Variants in RNF182 observed in about 807,000 individuals in gnomAD.
The protein encoded by RNF182 is ring finger protein 182, also known as E3 ubiquitin-protein ligase RNF182.
In RNF182, 15 loss-of-function variants were observed where a neutral mutation model predicts 14.4. The observed-to-expected ratio is 1.04, with a 90% CI of 0.70 to 1.60. The LOEUF is 1.60. Ranked by LOEUF, RNF182 falls within the 40% of genes most tolerant of loss-of-function variation. The pLI is 0.00. For synonymous variants in RNF182, 128 were observed against 122.9 expected (o/e 1.04, Z -0.27); for missense variants, 268 against 294.8 (o/e 0.91, Z 0.67).
chr6:13,974,721 A>G (rs570234059), intron 2 of RNF182, among the ~76,000 whole-genome samples: 18 of 152,348 alleles, frequency 1.2e-4, no homozygotes, highest in African/African-American at 4.1e-4. Context: ...TTACGTATTC[A>G]TAAACACTCA....
At chr6:13,962,367 G>T (rs777075059) in intron 1 of RNF182, among the ~76,000 whole-genome samples, 1 of 152,180 alleles carries the variant, frequency 6.6e-6, no homozygotes, top group African/African-American at 2.4e-5. Context: ...ATAGCTGAGC[G>T]TAAAAACCAA....
At chr6:13,970,113 G>T (rs184975293) in intron 1 of RNF182, among the ~76,000 whole-genome samples, 2 of 152,164 alleles carry the variant, frequency 1.3e-5, no homozygotes, top group Admixed American at 6.5e-5. Flanking sequence ...GGTAATTAGG[G>T]TATTCATCAC....
chr6:13,925,092 C>A (rs1419224691), intron 1 of RNF182, 69 bp downstream of exon 1: 1 of 24,542 alleles, frequency 4.1e-5, no homozygotes, highest in Non-Finnish European at 8.3e-5. Flanking sequence ...GCTGGGGCAG[C>A]AGCCAGCCCC....
At chr6:13,928,258 C>T (rs916372608) in intron 1 of RNF182, among the ~76,000 whole-genome samples, 1 of 152,114 alleles carries the variant, frequency 6.6e-6, no homozygotes, top group South Asian at 2.1e-4. Flanking sequence ...GATTGTTTTC[C>T]TGATGTGCCA....
intron 1 of RNF182, among the ~76,000 whole-genome samples, chr6:13,961,804 A>G (rs1411489049): frequency 1.3e-5 from 2 of 152,094 alleles, no homozygotes; most frequent in Admixed American, 6.5e-5. Context: ...TTAATTGTTG[A>G]GGGAGGCTTT....
At chr6:13,971,801 C>G (rs1421693105) in intron 1 of RNF182, among the ~76,000 whole-genome samples, 1 of 152,150 alleles carries the variant, frequency 6.6e-6, no homozygotes, top group Non-Finnish European at 1.5e-5. Flanking sequence ...GTGACTCTTG[C>G]TATGTTTTAG....
chr6:13,956,620 C>G (rs533318771), intron 1 of RNF182, among the ~76,000 whole-genome samples: 1 of 152,062 alleles, frequency 6.6e-6, no homozygotes, highest in Admixed American at 6.6e-5. Context: ...CCAATGCTCC[C>G]GGCCTGTCCT....
rs1760420043 is a variant in RNF182, at chr6:13,978,859, C to G, written c.*996C>G. 6.0e-6 allele frequency: 1 copy of G among 166,924 alleles called. No individual in the cohort carries two copies. 10.3% of individuals were successfully genotyped at this position (166,924 alleles called of 1,614,324 possible). On this transcript the variant is annotated 3_prime_UTR_variant, in exon 3 of 3. Transcript: ENST00000488300. ...GAACTGTGGCAATGAAAACCAGAAA[C>G]AGTTAATGAGATGCTTCAGCTCACA... is the stretch of plus-strand genomic sequence containing the variant.
chr6:13,961,774 G>A (rs937290929), intron 1 of RNF182, among the ~76,000 whole-genome samples: 3 of 152,196 alleles, frequency 2.0e-5, no homozygotes, highest in Admixed American at 6.5e-5. Flanking sequence ...TGTTCTTGGA[G>A]GAGGGGGGAG....
At chr6:13,949,477 T>C in intron 1 of RNF182, 1 of 609,102 alleles carries the variant, frequency 1.6e-6, no homozygotes, top group Non-Finnish European at 3.0e-6. Flanking sequence ...CGAGAAAGGC[T>C]GGTTATAAGA....
At position 13,978,533 on chromosome 6, in the gene RNF182, C is replaced by G. The variant is rs1267743010; in HGVS notation, c.*670C>G. The G allele has an allele frequency of 3.0e-5, 5 of 166,770 alleles. No homozygotes were observed. The Admixed American group carries it at 3.3e-4, about 11-fold the overall frequency. 10.3% of individuals were successfully genotyped at this position (166,770 alleles called of 1,614,324 possible). The stretch of plus-strand genomic sequence containing the variant: ...TTCATGGCAGAATGTGGCCATTTGT[C>G]CTTGAGACACACTCTTTCCTCCATG... On this transcript the variant is annotated 3_prime_UTR_variant, in exon 3 of 3. Coordinates refer to ENST00000488300, the MANE Select transcript of RNF182 (RefSeq NM_152737.4).
rs539718380 is a variant in RNF182, at chr6:13,977,147, G to A, written c.28G>A (p.Ala10Thr). 1.9e-6 allele frequency: 3 copies of A among 1,614,046 alleles called. No homozygotes were observed. In the South Asian group the frequency reaches 3.3e-5, roughly 18 times the overall value. Residue 10 changes from alanine to threonine, a missense_variant, in exon 3 of 3, where the codon GCG becomes ACG. Transcript: ENST00000488300. ...GGCCAGTCAACCTCCTGAAGACACT[G>A]CGGAGTCTCAGGCCTCTGATGAGCT... MASQPPEDT[A>T]ESQASDELEC...
intron 1 of RNF182, among the ~76,000 whole-genome samples, chr6:13,951,594 T>C (rs1759595042): frequency 6.6e-6 from 1 of 152,230 alleles, no homozygotes; most frequent in South Asian, 2.1e-4. Flanking sequence ...GCTCTCATAA[T>C]GCAAGTGATT....
intron 1 of RNF182, among the ~76,000 whole-genome samples, chr6:13,973,440 G>C (rs1475598604): frequency 6.6e-6 from 1 of 152,118 alleles, no homozygotes; most frequent in Non-Finnish European, 1.5e-5. Context: ...AATATGGTTT[G>C]GCTGTGTGTC....
intron 1 of RNF182, among the ~76,000 whole-genome samples, chr6:13,930,092 A>G (rs1181454511): frequency 1.3e-5 from 2 of 151,758 alleles, no homozygotes; most frequent in African/African-American, 4.8e-5. Context: ...AGATTCTATC[A>G]ATTATGGATT....
At chr6:13,975,905 AT>A (rs1561789883) in intron 2 of RNF182, among the ~76,000 whole-genome samples, 1 of 152,206 alleles carries the variant, frequency 6.6e-6, no homozygotes, top group East Asian at 1.9e-4. Flanking sequence ...TAATTTTGAG[AT>A]TTTGTATATT....
At chr6:13,947,064 A>C (rs1431235438) in intron 1 of RNF182, among the ~76,000 whole-genome samples, 1 of 139,956 alleles carries the variant, frequency 7.1e-6, no homozygotes, top group African/African-American at 2.5e-5. Context: ...CTAAAATTAA[A>C]TAAGAGCTTT....
At chr6:13,945,967 G>C (rs942258665) in intron 1 of RNF182, among the ~76,000 whole-genome samples, 1 of 152,010 alleles carries the variant, frequency 6.6e-6, no homozygotes, top group Non-Finnish European at 1.5e-5. Context: ...AGAGACTAGG[G>C]CATTCCCAAA....
rs1489706231 is a variant in RNF182 at position 13,979,478 on chromosome 6, G to A, written c.*1615G>A. 1 of 166,916 alleles carries A rather than the reference G, an allele frequency of 6.0e-6. No homozygotes were observed. Among genetic ancestry groups the A allele is most frequent in the Non-Finnish European group, 1.5e-5 (1 of 68,098 alleles). 10.3% of individuals were successfully genotyped at this position (166,916 alleles called of 1,614,324 possible). On this transcript the variant is annotated 3_prime_UTR_variant, in exon 3 of 3. Transcript: ENST00000488300. ...GATTTTAATTGTAAAACTAAACTTC[G>A]GGAATATGTATGCCCAAAGTAAGTA... is the stretch of plus-strand genomic sequence containing the variant.
Sources: gnomAD v4.1 joint callset for allele counts (sites outside exome capture counted in the v4.1 genomes callset) on GRCh38, gnomAD v4.1.1 for gene constraint, MANE v1.5 for transcripts, NCBI Gene and HGNC (gene_info 2026-07-23, HGNC 2026-07-21) for gene names.